Variants in TEX11 observed in about 807,000 individuals in gnomAD.
TEX11 encodes testis-expressed protein 11.
TEX11 carries 7 observed loss-of-function variants against 84.4 expected under a neutral mutation model. The ratio of observed to expected loss-of-function variants is 0.08; its 90% CI spans 0.05 to 0.16. The LOEUF (loss-of-function observed/expected upper bound fraction) is 0.16. Among genes scored for constraint, TEX11 ranks in the 10% least tolerant of loss-of-function variants. The pLI is 1.00. For missense variants in TEX11, 551 were observed against 660.5 expected (o/e 0.83, Z 1.82); for synonymous variants, 264 against 222.8 (o/e 1.18, Z -1.64).
intron 20 of TEX11, among the ~76,000 whole-genome samples, chrX:70,615,793 G>C (rs2089311007): frequency 8.9e-6 from 1 of 112,076 alleles, no homozygotes. Flanking sequence ...CAACAGAAAA[G>C]AAACAACATA....
chrX:70,752,578 A>C (rs2147759924), intron 9 of TEX11, among the ~76,000 whole-genome samples: 1 of 109,556 alleles, frequency 9.1e-6, no homozygotes, highest in African/African-American at 3.3e-5. Context: ...GTAATCCAAA[A>C]AATGTTACAA....
intron 13 of TEX11, among the ~76,000 whole-genome samples, chrX:70,707,847 C>G (rs2090390144): frequency 9.1e-6 from 1 of 110,347 alleles, no homozygotes; most frequent in African/African-American, 3.3e-5. Context: ...TAGGAAACAC[C>G]CTTCTTGACA....
intron 7 of TEX11, among the ~76,000 whole-genome samples, chrX:70,843,994 T>C (rs1391270684): frequency 8.1e-5 from 9 of 110,908 alleles, no homozygotes; most frequent in Non-Finnish European, 1.3e-4. Context: ...GAAATAGGAA[T>C]GCTTTTACAC....
chrX:70,539,827 T>C (rs768582312), intron 28 of TEX11, among the ~76,000 whole-genome samples: 37 of 111,555 alleles, frequency 3.3e-4, no homozygotes, highest in Non-Finnish European at 6.8e-4. Context: ...TGGGTTTTCT[T>C]TTTGCTTCAT....
intron 28 of TEX11, among the ~76,000 whole-genome samples, chrX:70,543,228 A>G (rs2088072141): frequency 8.9e-6 from 1 of 112,078 alleles, no homozygotes; most frequent in Non-Finnish European, 1.9e-5. Flanking sequence ...TTAAAAAATT[A>G]AAAAATAAAT....
At chrX:70,674,206 C>T (rs2090049382) in intron 15 of TEX11, among the ~76,000 whole-genome samples, 1 of 112,274 alleles carries the variant, frequency 8.9e-6, no homozygotes, top group South Asian at 3.7e-4. Context: ...CCAGCTCCAT[C>T]AATGTTCCCG....
chrX:70,748,200 T>C (rs947097975), intron 9 of TEX11, among the ~76,000 whole-genome samples: 1 of 111,076 alleles, frequency 9.0e-6, no homozygotes, highest in Non-Finnish European at 1.9e-5. Flanking sequence ...CTCTCCAAAT[T>C]TGATGAAAAA....
At chrX:70,711,556 T>A (rs2090433860) in intron 13 of TEX11, among the ~76,000 whole-genome samples, 2 of 112,328 alleles carry the variant, frequency 1.8e-5, no homozygotes, top group African/African-American at 6.5e-5. Flanking sequence ...TGAGCATTTT[T>A]TCACGTGTCT....
At chrX:70,823,930 G>A (rs1161903336) in intron 8 of TEX11, among the ~76,000 whole-genome samples, 1 of 111,535 alleles carries the variant, frequency 9.0e-6, no homozygotes, top group South Asian at 3.8e-4. Context: ...TGAGGCAGGA[G>A]AATCACTTAA....
At chrX:70,865,233 A>C (rs1002433780) in intron 4 of TEX11, among the ~76,000 whole-genome samples, 1 of 111,533 alleles carries the variant, frequency 9.0e-6, no homozygotes, top group East Asian at 2.8e-4. Context: ...CAAAAAAAGC[A>C]GGGGTTGCAA....
intron 17 of TEX11, among the ~76,000 whole-genome samples, chrX:70,645,069 G>GT (rs1206024472): frequency 9.1e-6 from 1 of 110,123 alleles, no homozygotes; most frequent in Non-Finnish European, 1.9e-5. Context: ...TAAAGTCCTA[G>GT]ACATATAAAA....
intron 17 of TEX11, among the ~76,000 whole-genome samples, chrX:70,632,061 T>C: frequency 1.0e-5 from 1 of 99,233 alleles, no homozygotes; most frequent in Admixed American, 1.1e-4. Context: ...AATCAATGCT[T>C]GGCTTCTAAA....
intron 9 of TEX11, among the ~76,000 whole-genome samples, chrX:70,781,213 G>T (rs1005325193): frequency 8.9e-6 from 1 of 111,970 alleles, no homozygotes; most frequent in Non-Finnish European, 1.9e-5. Context: ...CAGACCTGCA[G>T]CTGAGGGACC....
chrX:70,880,134 G>A (rs1254762567), intron 2 of TEX11, 25 bp from the exon 3 acceptor site: 2 of 1,143,064 alleles, frequency 1.7e-6, no homozygotes, highest in South Asian at 2.1e-5. Flanking sequence ...GATGATAAAT[G>A]TGCTGTGAAC....
At chrX:70,520,536 G>C in the TEX11 span, among the ~76,000 whole-genome samples, 1 of 112,101 alleles carries the variant, frequency 8.9e-6, no homozygotes, top group Non-Finnish European at 1.9e-5. Context: ...GCACTCTGCT[G>C]TATGATGTGT....
At chrX:70,647,583 T>A (rs1381303274) in intron 17 of TEX11, among the ~76,000 whole-genome samples, 5 of 109,325 alleles carry the variant, frequency 4.6e-5, no homozygotes, top group African/African-American at 1.7e-4. Context: ...GGAGGATCTC[T>A]TGAGCCTGGG....
At chrX:70,630,312 A>AG (rs2089496174) in intron 17 of TEX11, among the ~76,000 whole-genome samples, 2 of 85,306 alleles carry the variant, frequency 2.3e-5, no homozygotes, top group South Asian at 5.7e-4. Flanking sequence ...ACTCTGTCTC[A>AG]GAAAAAAAAA....
chrX:70,734,448 G>A (rs1389440730), intron 11 of TEX11, among the ~76,000 whole-genome samples: 1 of 111,513 alleles, frequency 9.0e-6, no homozygotes, highest in Non-Finnish European at 1.9e-5. Flanking sequence ...ATTATGGAAA[G>A]TTTCCAATTC....
intron 17 of TEX11, among the ~76,000 whole-genome samples, chrX:70,640,060 A>G (rs1333863835): frequency 9.3e-6 from 1 of 107,884 alleles, no homozygotes; most frequent in South Asian, 4.2e-4. Flanking sequence ...TAACCAATAC[A>G]GAGAAGTGCT....
Sources: allele counts gnomAD v4.1 joint callset (sites outside exome capture counted in the v4.1 genomes callset), GRCh38; gene constraint gnomAD v4.1.1; transcripts MANE v1.5; gene names NCBI Gene and HGNC (gene_info 2026-07-23, HGNC 2026-07-21).